RSRC1: variants seen among roughly 807,000 people sequenced by gnomAD.
RSRC1 encodes the protein arginine and serine rich coiled-coil 1, also known as serine/Arginine-related protein 53.
A neutral mutation model predicts 49.1 loss-of-function variants in RSRC1; 39 were observed. That is an observed-to-expected ratio of 0.79 (90% CI 0.61 to 1.04). The LOEUF is 1.04. Ranked by LOEUF, RSRC1 falls within the 50% of genes least tolerant of loss-of-function variation. The pLI, the probability that RSRC1 is intolerant of heterozygous loss-of-function variation, is 0.00. For missense variants in RSRC1, 388 were observed against 402.4 expected (o/e 0.96, Z 0.31); for synonymous variants, 143 against 130.8 (o/e 1.09, Z -0.63).
intron 7 of RSRC1, among the ~76,000 whole-genome samples, 192 bp downstream of exon 7, chr3:158,461,195 A>G (rs1483560876): frequency 6.6e-6 from 1 of 151,902 alleles, no homozygotes; most frequent in African/African-American, 2.4e-5. Context: ...GTTTATAAGC[A>G]TGCTATTATA....
At chr3:158,407,715 TA>T (rs949737480) in intron 6 of RSRC1, among the ~76,000 whole-genome samples, 12 of 152,146 alleles carry the variant, frequency 7.9e-5, no homozygotes, top group Admixed American at 5.9e-4. Flanking sequence ...TAGTTCTTTT[TA>T]AAAAAAATAG....
At chr3:158,248,315 T>G (rs1455286643) in intron 4 of RSRC1, among the ~76,000 whole-genome samples, 1 of 152,184 alleles carries the variant, frequency 6.6e-6, no homozygotes, top group Admixed American at 6.5e-5. Context: ...GTGTCTAGCT[T>G]TTTTCATTCA....
At chr3:158,200,575 C>T (rs1430624163) in intron 3 of RSRC1, among the ~76,000 whole-genome samples, 1 of 151,598 alleles carries the variant, frequency 6.6e-6, no homozygotes, top group African/African-American at 2.4e-5. Context: ...GCTTCCTTTC[C>T]AGCTTCCTTT....
chr3:158,358,431 A>G (rs183361249), intron 6 of RSRC1, among the ~76,000 whole-genome samples: 261 of 152,208 alleles, frequency 1.7e-3, no homozygotes, highest in Non-Finnish European at 2.6e-3. Flanking sequence ...TCCTGCTTCA[A>G]TTCTATTACT....
intron 6 of RSRC1, among the ~76,000 whole-genome samples, chr3:158,431,365 A>T (rs1735764002): frequency 6.6e-6 from 1 of 151,938 alleles, no homozygotes; most frequent in African/African-American, 2.4e-5. Context: ...ACACTCAAAG[A>T]ACAAAGCATT....
At chr3:158,153,009 A>G (rs1717642708) in intron 3 of RSRC1, among the ~76,000 whole-genome samples, 1 of 152,212 alleles carries the variant, frequency 6.6e-6, no homozygotes, top group South Asian at 2.1e-4. Context: ...TCTAGGAACT[A>G]AATGCTCTGT....
intron 6 of RSRC1, among the ~76,000 whole-genome samples, chr3:158,395,012 C>T (rs566705067): frequency 1.3e-5 from 2 of 151,804 alleles, no homozygotes; most frequent in African/African-American, 2.4e-5. Context: ...AATAGAGAGC[C>T]CAGAAATAAA....
intron 3 of RSRC1, among the ~76,000 whole-genome samples, chr3:158,124,325 A>C (rs372401146): frequency 3.3e-5 from 5 of 152,100 alleles, no homozygotes; most frequent in African/African-American, 9.7e-5. Context: ...TGAGTTTACT[A>C]GTATTTTGTT....
rs545822917 is a variant in RSRC1, at chr3:158,389,854, A to G, written c.583+34946A>G. ...TCTAGAATTCTTGCTATACCAACTT[A>G]ATGCTACTTGCCTTTTTCAGTCTCC... On this transcript the variant is annotated intron_variant, in intron 6 of 9. Coordinates refer to ENST00000611884, the MANE Select transcript of RSRC1 (RefSeq NM_001271838.2). 2.6e-5 allele frequency among the ~76,000 whole-genome samples: 4 copies of G among 152,306 alleles called. No homozygotes were observed. The East Asian group carries it at 7.7e-4, about 29-fold the overall frequency.
intron 4 of RSRC1, chr3:158,276,220 G>T: frequency 1.3e-6 from 1 of 781,148 alleles, no homozygotes; most frequent in Non-Finnish European, 2.3e-6. Flanking sequence ...CGGCCACCAT[G>T]GCGAATACGA....
At chr3:158,274,721 A>T (rs551778502) in intron 4 of RSRC1, among the ~76,000 whole-genome samples, 5 of 152,304 alleles carry the variant, frequency 3.3e-5, no homozygotes, top group South Asian at 2.1e-4. Context: ...CAGAAATGCA[A>T]TGTGGTGGTA....
chr3:158,147,036 G>A (rs1717174958), intron 3 of RSRC1, among the ~76,000 whole-genome samples: 3 of 150,342 alleles, frequency 2.0e-5, no homozygotes, highest in African/African-American at 2.5e-5. Context: ...TGCTGTTGCT[G>A]GTGGTAGTGC....
intron 4 of RSRC1, among the ~76,000 whole-genome samples, chr3:158,284,445 C>G (rs1260993471): frequency 2.7e-5 from 4 of 147,598 alleles, no homozygotes; most frequent in Admixed American, 6.8e-5. Context: ...ATTTCTAGTT[C>G]TAGATCCCTG....
chr3:158,411,764 A>T (rs1734476950), intron 6 of RSRC1, among the ~76,000 whole-genome samples: 1 of 152,094 alleles, frequency 6.6e-6, no homozygotes, highest in Non-Finnish European at 1.5e-5. Context: ...TTTTTATTTT[A>T]TGAAGTATCT....
At chr3:158,391,896 G>A (rs1424953329) in intron 6 of RSRC1, among the ~76,000 whole-genome samples, 2 of 152,086 alleles carry the variant, frequency 1.3e-5, no homozygotes, top group African/African-American at 2.4e-5. Context: ...TAAATATAAT[G>A]TAAAGTAGGG....
At chr3:158,231,067 C>A (rs958353479) in intron 4 of RSRC1, among the ~76,000 whole-genome samples, 5 of 150,368 alleles carry the variant, frequency 3.3e-5, no homozygotes, top group African/African-American at 1.2e-4. Flanking sequence ...GAAATGCTTT[C>A]CTGTAGTTAG....
intron 3 of RSRC1, among the ~76,000 whole-genome samples, chr3:158,192,890 C>G (rs554260206): frequency 6.6e-6 from 1 of 152,028 alleles, no homozygotes; most frequent in Non-Finnish European, 1.5e-5. Context: ...ATACATTGAA[C>G]CTTGAGCGAT....
At chr3:158,502,854 G>A (rs1160574323) in intron 7 of RSRC1, among the ~76,000 whole-genome samples, 1 of 152,014 alleles carries the variant, frequency 6.6e-6, no homozygotes, top group Non-Finnish European at 1.5e-5. Flanking sequence ...CTGAATTCTT[G>A]TTAAGGTAAA....
chr3:158,326,216 T>G, intron 5 of RSRC1, among the ~76,000 whole-genome samples: 1 of 152,200 alleles, frequency 6.6e-6, no homozygotes, highest in Non-Finnish European at 1.5e-5. Flanking sequence ...CTGAATACCC[T>G]TTATTCCTTT....
Sources: allele counts gnomAD v4.1 joint callset (sites outside exome capture counted in the v4.1 genomes callset), GRCh38; gene constraint gnomAD v4.1.1; transcripts MANE v1.5; gene names NCBI Gene and HGNC (gene_info 2026-07-23, HGNC 2026-07-21).